The following LAT variants were observed in gnomAD, a reference collection of about 807,000 sequenced individuals.
LAT encodes linker for activation of T-cells family member 1.
LAT carries 12 observed loss-of-function variants against 39.1 expected under a neutral mutation model. The observed-to-expected ratio is 0.31, with a 90% CI of 0.20 to 0.50. LAT has a LOEUF of 0.50. Among genes scored for constraint, LAT ranks in the 20% least tolerant of loss-of-function variants. The pLI is 0.98. For synonymous variants in LAT, 117 were observed against 123.8 expected (o/e 0.95, Z 0.36); for missense variants, 253 against 308.0 (o/e 0.82, Z 1.34).
chr16:28,986,743 G>A lies in LAT; in HGVS notation c.398+29G>A, dbSNP rs376620943. On this transcript the variant is annotated intron_variant, in intron 7 of 11. Transcript: ENST00000395456. The surrounding 1 kb of genome is among the most constrained non-coding windows in gnomAD (Gnocchi z 5.7). Reference sequence around the variant, plus strand: ...AGTGGCCAGGTGGGAGGTGGGAGGTGAGGGCTGAGGCTGTGCGTCCCCCCT... The same window carrying A: ...AGTGGCCAGGTGGGAGGTGGGAGGTAAGGGCTGAGGCTGTGCGTCCCCCCT... The A allele has an allele frequency of 3.8e-5, 61 of 1,610,260 alleles. No individual in the cohort carries two copies. The highest frequency in any genetic ancestry group is 4.0e-5 in the Non-Finnish European group (47 of 1,177,560).
rs760610353 is a variant in LAT at position 28,986,092 on chromosome 16, C to A, written c.164-43C>A. 12 of 1,511,642 alleles carry A rather than the reference C, an allele frequency of 7.9e-6. No homozygotes were observed. The Admixed American group carries it at 2.0e-4, about 26-fold the overall frequency. 93.6% of individuals were successfully genotyped at this position (1,511,642 alleles called of 1,614,324 possible). A position where few individuals can be genotyped will look rare whatever the true frequency, so the allele number is the denominator to read the frequency against. On this transcript the variant is annotated intron_variant, in intron 3 of 11. Coordinates refer to ENST00000395456, the MANE Select transcript of LAT (RefSeq NM_001014987.2). The surrounding 1 kb of genome is among the most constrained non-coding windows in gnomAD (Gnocchi z 5.7). ...CTTAGTCTGTTCTTTGAGGCCTTGA[C>A]GATGTCCGGAGTCCTTCTTTCAACT...
chr16:28,985,009 G>A (rs980433271), upstream of LAT: 696 of 1,430,590 alleles, frequency 4.9e-4, 1 homozygote, highest in Non-Finnish European at 6.2e-4. This position sits in a 1 kb window ranked among gnomAD's most constrained non-coding sequence, Gnocchi z 4.6. Flanking sequence ...GGGTGCAGCC[G>A]GCTGAGAGCT....
chr16:28,986,637 C>T lies in LAT; in HGVS notation c.341-20C>T. ...GGGGTCCGTCCTGGACTAGGCTGAC[C>T]CCTGTGTCGTTACCCCCAGAACCAG... On this transcript the variant is annotated intron_variant, in intron 6 of 11. Transcript: ENST00000395456. The surrounding 1 kb of genome is among the most constrained non-coding windows in gnomAD (Gnocchi z 5.7). The T allele has an allele frequency of 6.2e-7, 1 of 1,613,978 alleles. No homozygotes were observed. The highest frequency in any genetic ancestry group is 8.5e-7 in the Non-Finnish European group (1 of 1,179,974).
rs1055928125 is a variant in LAT, at chr16:28,985,409, C to T, written c.-9C>T. On this transcript the variant is annotated 5_prime_UTR_variant, in exon 1 of 12. Coordinates refer to ENST00000395456, the MANE Select transcript of LAT (RefSeq NM_001014987.2). This position sits in a 1 kb window ranked among gnomAD's most constrained non-coding sequence, Gnocchi z 4.6. Reference sequence around the variant, plus strand: ...GGGTGCAGCCAGCCTGCTCCGAGCTCCCCTGCAGATGGAGGAGGCCATCCT... The same window carrying T: ...GGGTGCAGCCAGCCTGCTCCGAGCTTCCCTGCAGATGGAGGAGGCCATCCT... The T allele has an allele frequency of 6.2e-7, 1 of 1,613,250 alleles. No individual in the cohort carries two copies. Among genetic ancestry groups the T allele is most frequent in the African/African-American group, 1.3e-5 (1 of 74,906 alleles).
Position 28,986,250 on chromosome 16 carries a change from C to A in LAT, c.245+34C>A. ...CTGCTCAGCCCCTGCCCCTCCAAAG[C>A]TCAGCCCCTCCCCCTCCAAACTCCA... On this transcript the variant is annotated intron_variant, in intron 4 of 11. Transcript: ENST00000395456. This position sits in a 1 kb window ranked among gnomAD's most constrained non-coding sequence, Gnocchi z 5.7. 6.4e-7 allele frequency: 1 copy of A among 1,554,952 alleles called. No homozygotes were observed. Among genetic ancestry groups the A allele is most frequent in the Non-Finnish European group, 8.8e-7 (1 of 1,140,124 alleles).
At position 28,990,286 on chromosome 16, in the gene LAT, C is replaced by T; in HGVS notation, c.*105C>T. 2 of 664,434 alleles carry T rather than the reference C, an allele frequency of 3.0e-6. No individual in the cohort carries two copies. The highest frequency in any genetic ancestry group is 5.5e-6 in the Non-Finnish European group (2 of 360,804). 41.2% of individuals were successfully genotyped at this position (664,434 alleles called of 1,614,324 possible). ...GTCCTCACATGGCGTCCTGCCCTTGCTCCAGCCTGACAACAGCCTGAGAAA... is the reference window on the plus strand; with the variant it reads ...GTCCTCACATGGCGTCCTGCCCTTGTTCCAGCCTGACAACAGCCTGAGAAA... On this transcript the variant is annotated 3_prime_UTR_variant, in exon 12 of 12. Coordinates refer to ENST00000395456, the MANE Select transcript of LAT (RefSeq NM_001014987.2).
Position 28,985,960 on chromosome 16 carries a change from C to T in LAT, c.163+72C>T, listed in dbSNP as rs1965739086. The T allele has an allele frequency of 6.4e-7, 1 of 1,554,570 alleles. No individual in the cohort carries two copies. ...CCCTGGTGTGGGAGTGAGCGTGAAC[C>T]TTCAGACTTCCCCTGCCACCTTGGG... On this transcript the variant is annotated intron_variant, in intron 3 of 11. Transcript: ENST00000395456. The surrounding 1 kb of genome is among the most constrained non-coding windows in gnomAD (Gnocchi z 4.6).
rs1233862573 is a variant in LAT, at chr16:28,985,759, C to G, written c.128+19C>G. 1.2e-6 allele frequency: 2 copies of G among 1,614,138 alleles called. No homozygotes were observed. Among genetic ancestry groups the G allele is most frequent in the South Asian group, 2.2e-5 (2 of 91,084 alleles). On this transcript the variant is annotated intron_variant, in intron 2 of 11. Coordinates refer to ENST00000395456, the MANE Select transcript of LAT (RefSeq NM_001014987.2). The surrounding 1 kb of genome is among the most constrained non-coding windows in gnomAD (Gnocchi z 4.6). ...CAGATAGGTGAGTCCGCCCCAGCCGCCCTGGGTCTCCCTCCACACCCCATG... is the reference window on the plus strand; with the variant it reads ...CAGATAGGTGAGTCCGCCCCAGCCGGCCTGGGTCTCCCTCCACACCCCATG...
intron 8 of LAT, chr16:28,987,681 C>T (rs1008811950): frequency 2.6e-5 from 4 of 152,244 alleles, no homozygotes; most frequent in African/African-American, 9.7e-5. Context: ...GAGCTCCAGA[C>T]TGTATCCAAG....
Position 28,986,868 on chromosome 16 carries a change from T to A in LAT, c.468T>A (p.Pro156=). The change falls in exon 8 of 12, where the codon CCT becomes CCA. Residue 156 remains proline (P), a synonymous_variant. Coordinates refer to ENST00000395456, the MANE Select transcript of LAT (RefSeq NM_001014987.2). The surrounding 1 kb of genome is among the most constrained non-coding windows in gnomAD (Gnocchi z 5.7). ...AAPSAPALST[P]GIRDSAFSME... ...CATCAGCTCCTGCACTCAGCACCCC[T>A]GGCATCCGAGACAGTGCCTTCTCCA... The A allele has an allele frequency of 6.2e-7, 1 of 1,614,088 alleles. No individual in the cohort carries two copies. The highest frequency in any genetic ancestry group is 8.5e-7 in the Non-Finnish European group (1 of 1,179,974).
intron 8 of LAT, 123 bp downstream of exon 8, chr16:28,987,016 CT>C (rs1965777549): frequency 1.2e-6 from 1 of 800,546 alleles, no homozygotes; most frequent in South Asian, 1.8e-5. Context: ...AAGTAGGCTA[CT>C]CGGCCTCAGC....
rs1168450336 is a variant in LAT, at chr16:28,990,457, C to T, written c.*276C>T. ...AAGGCCTGCGTGTGTCTGTGTTGAG[C>T]GTGCGTCTGTGTGTGCCTGTGTGCG... On this transcript the variant is annotated 3_prime_UTR_variant, in exon 12 of 12. Transcript: ENST00000395456. 1.5e-5 allele frequency: 5 copies of T among 342,622 alleles called. No homozygotes were observed. The highest frequency in any genetic ancestry group is 1.7e-5 in the Non-Finnish European group (3 of 173,236). 21.2% of individuals were successfully genotyped at this position (342,622 alleles called of 1,614,324 possible). A position where few individuals can be genotyped will look rare whatever the true frequency, so the allele number is the denominator to read the frequency against.
At chr16:28,989,349 T>A in intron 8 of LAT, 178 bp from the exon 9 acceptor site, 1 of 598,254 alleles carries the variant, frequency 1.7e-6, no homozygotes, top group East Asian at 2.9e-5. Flanking sequence ...ACCAACACCA[T>A]CCTTGCCAGC....
At chr16:28,984,914 C>T (rs763885383), upstream of LAT, 47 of 1,545,442 alleles carry the variant, frequency 3.0e-5, no homozygotes, top group Admixed American at 2.0e-5. Context: ...TTGGGGGGGG[C>T]CAGCAGACCC....
At chr16:28,984,940 G>C (rs539884129), upstream of LAT, 9 of 1,529,246 alleles carry the variant, frequency 5.9e-6, no homozygotes, top group East Asian at 1.7e-4. Context: ...GAGTGCCTGG[G>C]GTGGCTCCCG....
At chr16:28,984,918 C>T (rs1452254540), upstream of LAT, 4 of 1,545,522 alleles carry the variant, frequency 2.6e-6, no homozygotes, top group Admixed American at 7.9e-5. Context: ...GGGGGGCCAG[C>T]AGACCCTTGG....
chr16:28,984,838 TCG>T (rs1474779426), upstream of LAT: 2 of 1,550,084 alleles, frequency 1.3e-6, no homozygotes, highest in South Asian at 2.4e-5. Context: ...GCCTCCCTGC[TCG>T]CTGCCTCCCC....
At position 28,986,796 on chromosome 16, in the gene LAT, C is replaced by T. The variant is rs1390591712; in HGVS notation, c.399-3C>T. 6.2e-7 allele frequency: 1 copy of T among 1,613,618 alleles called. No individual in the cohort carries two copies. The highest frequency in any genetic ancestry group is 8.5e-7 in the Non-Finnish European group (1 of 1,179,728). ...CTCACCGGCCCTTTTCACTTCCTTT[C>T]AGGGTGGTGCTTCCTGACAGCACCC... On this transcript the variant is annotated splice_region_variant and splice_polypyrimidine_tract_variant and intron_variant, in intron 7 of 11. Coordinates refer to ENST00000395456, the MANE Select transcript of LAT (RefSeq NM_001014987.2). The surrounding 1 kb of genome is among the most constrained non-coding windows in gnomAD (Gnocchi z 5.7).
Position 28,989,561 on chromosome 16 carries a change from G to A in LAT, c.528G>A (p.Glu176=). The change falls in exon 9 of 12, where the codon GAG becomes GAA. Residue 176 remains glutamate, a synonymous_variant. Transcript: ENST00000395456. ...TTGATGATTACGTGAACGTTCCGGA[G>A]AGCGGGGAGAGCGCAGAAGCGTCTC... is the stretch of plus-strand genomic sequence containing the variant. The part of the protein sequence containing the change: ...ESIDDYVNVP[E]SGESAEASLD... The A allele has an allele frequency of 1.2e-6, 2 of 1,611,824 alleles. No homozygotes were observed. The highest frequency in any genetic ancestry group is 1.7e-6 in the Non-Finnish European group (2 of 1,178,770).
Sources: gnomAD v4.1 joint callset for allele counts on GRCh38, gnomAD v4.1.1 for gene constraint, Gnocchi (gnomAD v3.1) non-coding constraint, MANE v1.5 for transcripts, NCBI Gene and HGNC (gene_info 2026-07-23, HGNC 2026-07-21) for gene names.